RASSF3: variants seen among roughly 807,000 people sequenced by gnomAD.
RASSF3 encodes ras association domain-containing protein 3.
In RASSF3, 19 loss-of-function variants were observed where a neutral mutation model predicts 19.9. The ratio of observed to expected loss-of-function variants is 0.96; its 90% CI spans 0.67 to 1.40. The LOEUF (loss-of-function observed/expected upper bound fraction) is 1.40, where lower values mean the gene tolerates loss of function less well. Ranked by LOEUF, RASSF3 falls within the 40% of genes most tolerant of loss-of-function variation. The pLI is 0.00. For synonymous variants in RASSF3, 110 were observed against 104.2 expected, an observed-to-expected ratio of 1.06 and a Z score of -0.34; for missense variants, 306 against 289.8, an observed-to-expected ratio of 1.06 and a Z score of -0.41.
In RASSF3 at chr12:64,552,900, C is replaced by T. The variant is rs577815584; in HGVS notation, c.294+11195C>T. On this transcript the variant is annotated intron_variant, in intron 2 of 5. Transcript: ENST00000637125. ...GGCGCAATCTCTGCTCACCGGCCTC[C>T]GTCCTTATTTTCAAAAATAGCAACT... is the stretch of plus-strand genomic sequence containing the variant. Among the ~76,000 whole-genome samples the T allele has an allele frequency of 7.2e-5, 11 of 151,922 alleles. No homozygotes were observed. In the South Asian group the frequency reaches 1.9e-3, roughly 26 times the overall value.
At chr12:64,584,622 A>G (rs1274248282) in intron 2 of RASSF3, among the ~76,000 whole-genome samples, 1 of 151,394 alleles carries the variant, frequency 6.6e-6, no homozygotes, top group Non-Finnish European at 1.5e-5. Flanking sequence ...GTCCTTTCCT[A>G]TGAATTCCAA....
chr12:64,553,976 CA>C (rs1021865573), intron 2 of RASSF3, among the ~76,000 whole-genome samples: 1,639 of 83,472 alleles, frequency 0.02, 15 homozygotes, highest in African/African-American at 0.045. Flanking sequence ...GATCCTGTCT[CA>C]AAAAAAAAAA....
rs868437625 is a variant in RASSF3, at chr12:64,691,468, A to G, written c.458-2A>G. On this transcript the variant is annotated splice_acceptor_variant, in intron 3 of 4. Coordinates refer to ENST00000542104, the MANE Select transcript of RASSF3 (RefSeq NM_178169.4). LOFTEE classifies it high-confidence loss of function. ...TAACATGCTGCTTGTTTCTTTACCC[A>G]GTCTACGCCTGCAAGCTCTCAGACC... 6.2e-7 allele frequency: 1 copy of G among 1,604,140 alleles called. No individual in the cohort carries two copies. Among genetic ancestry groups the G allele is most frequent in the Non-Finnish European group, 8.5e-7 (1 of 1,171,042 alleles).
intron 1 of RASSF3, among the ~76,000 whole-genome samples, chr12:64,667,230 CATTT>C (rs925398753): frequency 4.6e-5 from 7 of 152,052 alleles, no homozygotes; most frequent in African/African-American, 1.7e-4. Context: ...AAGGGGAACA[CATTT>C]ATTTTGTGAA....
downstream of RASSF3, among the ~76,000 whole-genome samples, chr12:64,546,313 C>A (rs1303639205): frequency 6.6e-6 from 1 of 151,980 alleles, no homozygotes; most frequent in African/African-American, 2.4e-5. Context: ...CTCTGTTGCC[C>A]AGGCTGAAGT....
At chr12:64,576,025 G>A (rs1438289732) in intron 2 of RASSF3, among the ~76,000 whole-genome samples, 2 of 151,948 alleles carry the variant, frequency 1.3e-5, no homozygotes, top group Non-Finnish European at 2.9e-5. Context: ...AAGTAGCTGG[G>A]ATTACAGGCA....
intron 1 of RASSF3, among the ~76,000 whole-genome samples, chr12:64,634,762 TAAAAAA>T (rs57235286): frequency 0.067 from 6,094 of 90,944 alleles, 505 homozygotes; most frequent in African/African-American, 0.21. Context: ...CACCATCTCA[TAAAAAA>T]AAAAAAAAAA....
At chr12:64,580,588 A>ACC (rs1869677709) in intron 2 of RASSF3, among the ~76,000 whole-genome samples, 1 of 151,304 alleles carries the variant, frequency 6.6e-6, no homozygotes, top group South Asian at 2.1e-4. Flanking sequence ...ACACACACAC[A>ACC]CACACACACA....
intron 2 of RASSF3, among the ~76,000 whole-genome samples, chr12:64,587,051 C>CTTTT (rs747066386): frequency 1.5e-5 from 2 of 134,112 alleles, no homozygotes; most frequent in Non-Finnish European, 1.6e-5. Context: ...CCTCGCCTCA[C>CTTTT]TTTTTTTTTT....
chr12:64,571,168 G>C (rs186527244), intron 2 of RASSF3, among the ~76,000 whole-genome samples: 1 of 151,970 alleles, frequency 6.6e-6, no homozygotes, highest in Non-Finnish European at 1.5e-5. Context: ...CCGAGATCGC[G>C]CCATTACACT....
intron 1 of RASSF3, among the ~76,000 whole-genome samples, chr12:64,642,559 C>CAAA (rs67771603): frequency 5.5e-4 from 24 of 43,988 alleles, no homozygotes; most frequent in Admixed American, 8.4e-4. Flanking sequence ...GACTCCATCT[C>CAAA]AAAAAAAAAA....
At chr12:64,513,949 G>A (rs1183390435) in intron 1 of RASSF3, among the ~76,000 whole-genome samples, 6 of 151,838 alleles carry the variant, frequency 4.0e-5, no homozygotes, top group Admixed American at 2.0e-4. Flanking sequence ...GCAGGAACTC[G>A]GCTCACTGCA....
At chr12:64,597,093 G>T (rs1181105627) in intron 2 of RASSF3, among the ~76,000 whole-genome samples, 1 of 151,632 alleles carries the variant, frequency 6.6e-6, no homozygotes, top group Admixed American at 6.6e-5. Context: ...TAACACGTTG[G>T]CCTTCACATA....
At chr12:64,611,984 C>CGGTG (rs1870382771) in intron 1 of RASSF3, among the ~76,000 whole-genome samples, 1 of 152,144 alleles carries the variant, frequency 6.6e-6, no homozygotes, top group South Asian at 2.1e-4. Context: ...TCTCAAGTCC[C>CGGTG]GGTGCCATAG....
chr12:64,622,305 C>A (rs1289389881), intron 1 of RASSF3, among the ~76,000 whole-genome samples: 1 of 151,360 alleles, frequency 6.6e-6, no homozygotes, highest in Non-Finnish European at 1.5e-5. Flanking sequence ...CGTTATCCGC[C>A]TGCCTTGGCC....
chr12:64,631,018 C>G (rs1871151348), intron 1 of RASSF3, among the ~76,000 whole-genome samples: 1 of 152,148 alleles, frequency 6.6e-6, no homozygotes, highest in African/African-American at 2.4e-5. Flanking sequence ...GAAGGTAGAC[C>G]TGGTCTGCAG....
intron 1 of RASSF3, among the ~76,000 whole-genome samples, chr12:64,680,854 C>A (rs965587339): frequency 6.6e-6 from 1 of 152,204 alleles, no homozygotes; most frequent in Non-Finnish European, 1.5e-5. Context: ...TCAGGTGATC[C>A]GCCCGCCTCG....
At chr12:64,666,785 T>C (rs1242729476) in intron 1 of RASSF3, among the ~76,000 whole-genome samples, 1 of 152,214 alleles carries the variant, frequency 6.6e-6, no homozygotes, top group African/African-American at 2.4e-5. Flanking sequence ...ACTGTTGTAT[T>C]CCAGTGCCTG....
chr12:64,512,351 C>G (rs1279606641), intron 1 of RASSF3, among the ~76,000 whole-genome samples: 1 of 152,014 alleles, frequency 6.6e-6, no homozygotes, highest in South Asian at 2.1e-4. Context: ...GGCACAGTGG[C>G]GCATGCCTTT....
Sources: gnomAD v4.1 joint callset for allele counts (sites outside exome capture counted in the v4.1 genomes callset) on GRCh38, gnomAD v4.1.1 for gene constraint, MANE v1.5 for transcripts, NCBI Gene and HGNC (gene_info 2026-07-23, HGNC 2026-07-21) for gene names.